The following ZNF407 variants were observed in gnomAD, a reference collection of about 807,000 sequenced individuals.
The protein encoded by ZNF407 is zinc finger protein 407.
In ZNF407, 17 loss-of-function variants were observed where a neutral mutation model predicts 131.2. The ratio of observed to expected loss-of-function variants is 0.13; its 90% confidence interval spans 0.09 to 0.19. The LOEUF is 0.19. ZNF407 is among the 10% of genes least tolerant of loss of function. ZNF407 has a pLI of 1.00. For synonymous variants in ZNF407, 1,156 were observed against 1,062.0 expected (o/e 1.09, Z -1.72); for missense variants, 2,681 against 2,830.6 (o/e 0.95, Z 1.20).
chr18:74,769,931 C>T (rs1268543902), intron 3 of ZNF407, among the ~76,000 whole-genome samples: 2 of 152,170 alleles, frequency 1.3e-5, no homozygotes, highest in African/African-American at 4.8e-5. Flanking sequence ...AGACACAGGA[C>T]AGTTGAGGGG....
intron 4 of ZNF407, among the ~76,000 whole-genome samples, chr18:74,834,003 CT>C (rs1477945686): frequency 6.6e-6 from 1 of 152,148 alleles, no homozygotes; most frequent in Non-Finnish European, 1.5e-5. Context: ...TGGATCAGAA[CT>C]TTTAATTTTC....
At chr18:75,030,444 TGA>T (rs1021194354) in intron 8 of ZNF407, among the ~76,000 whole-genome samples, 1 of 152,238 alleles carries the variant, frequency 6.6e-6, no homozygotes, top group Non-Finnish European at 1.5e-5. Flanking sequence ...TTTTAAAATG[TGA>T]ATTGTTGGAG....
intron 4 of ZNF407, among the ~76,000 whole-genome samples, chr18:74,856,572 T>G (rs1319213729): frequency 1.3e-5 from 2 of 152,202 alleles, no homozygotes; most frequent in African/African-American, 4.8e-5. Flanking sequence ...TCCTTGGAAG[T>G]GTTTTCTGTC....
chr18:74,763,182 CATCTTCTTAGG>C lies in ZNF407; in HGVS notation c.4803-18244_4803-18234del, dbSNP rs536607994. On this transcript the variant is annotated intron_variant, in intron 3 of 8. Transcript: ENST00000299687. ...TTTGCATGTCCCTAATGATTTTGAG[CATCTTCTTAGG>C]ACCTTTTTTTTTTTTTTTTTTTTTT... 5.9e-3 allele frequency among the ~76,000 whole-genome samples: 370 copies of C among 63,114 alleles called. 1 individual carries two copies. Among genetic ancestry groups the C allele is most frequent in the African/African-American group, 0.018 (352 of 19,478 alleles). 41.4% of individuals were successfully genotyped at this position (63,114 alleles called of 152,430 possible).
intron 6 of ZNF407, among the ~76,000 whole-genome samples, chr18:74,884,342 A>G (rs1350305279): frequency 6.6e-6 from 1 of 152,132 alleles, no homozygotes. Flanking sequence ...ATAAAAGAGA[A>G]GAAGAATTAC....
At chr18:74,921,144 G>A (rs1011414881) in intron 8 of ZNF407, 19 of 470,302 alleles carry the variant, frequency 4.0e-5, no homozygotes, top group African/African-American at 8.5e-5. Flanking sequence ...GGAGTCAAGC[G>A]TAGTGGGTGG....
At chr18:74,621,505 C>T (rs947906558) in intron 1 of ZNF407, among the ~76,000 whole-genome samples, 4 of 152,098 alleles carry the variant, frequency 2.6e-5, no homozygotes, top group South Asian at 2.1e-4. Flanking sequence ...TGGCTGTGGG[C>T]AGCAGCCCCC....
At chr18:74,650,921 A>G (rs1985196855) in intron 3 of ZNF407, among the ~76,000 whole-genome samples, 1 of 151,486 alleles carries the variant, frequency 6.6e-6, no homozygotes, top group Non-Finnish European at 1.5e-5. Flanking sequence ...AAATTGCTAT[A>G]TATGTGTGTG....
chr18:74,844,686 A>T (rs537317329), intron 4 of ZNF407, among the ~76,000 whole-genome samples: 6 of 152,160 alleles, frequency 3.9e-5, no homozygotes, highest in Non-Finnish European at 8.8e-5. Flanking sequence ...ATTTGTAAAA[A>T]TTACCCATGC....
chr18:74,735,435 C>T (rs528188225), intron 3 of ZNF407, among the ~76,000 whole-genome samples: 2 of 152,236 alleles, frequency 1.3e-5, no homozygotes, highest in South Asian at 4.1e-4. Context: ...CATGATTTTC[C>T]TTAATAAAAT....
Position 74,913,616 on chromosome 18 carries a change from C to A in ZNF407, c.5250-6898C>A, listed in dbSNP as rs151032504. On this transcript the variant is annotated intron_variant, in intron 7 of 8. Coordinates refer to ENST00000299687, the MANE Select transcript of ZNF407 (RefSeq NM_017757.3). The stretch of plus-strand genomic sequence containing the variant: ...GATTGAGAAGAAGTTAGGGATTGTA[C>A]CTAGCTGGTCATCTGGGACACAGGG... Among the ~76,000 whole-genome samples, 11 of 152,290 alleles carry A rather than the reference C, an allele frequency of 7.2e-5. No individual in the cohort carries two copies. The East Asian group carries it at 2.1e-3, about 29-fold the overall frequency.
intron 1 of ZNF407, among the ~76,000 whole-genome samples, chr18:74,610,610 G>C (rs1448832893): frequency 1.3e-5 from 2 of 152,062 alleles, no homozygotes; most frequent in African/African-American, 4.8e-5. Context: ...GAGTGCAATG[G>C]CTCATCTCGG....
intron 3 of ZNF407, among the ~76,000 whole-genome samples, chr18:74,671,583 C>T (rs1222224716): frequency 6.6e-6 from 1 of 152,134 alleles, no homozygotes; most frequent in Non-Finnish European, 1.5e-5. Context: ...CATCATTTAG[C>T]TTTCACTTAT....
At chr18:74,749,552 G>T (rs958598409) in intron 3 of ZNF407, among the ~76,000 whole-genome samples, 3 of 152,198 alleles carry the variant, frequency 2.0e-5, no homozygotes, top group Admixed American at 6.5e-5. Flanking sequence ...GTTATCTGTT[G>T]TGAAGAATTT....
chr18:74,653,586 A>G (rs1985320919), intron 3 of ZNF407, among the ~76,000 whole-genome samples: 2 of 151,906 alleles, frequency 1.3e-5, no homozygotes, highest in African/African-American at 2.4e-5. Context: ...TAGCAATTAA[A>G]TGCTAAATAT....
intron 7 of ZNF407, among the ~76,000 whole-genome samples, chr18:74,890,991 T>C (rs561924415): frequency 6.6e-6 from 1 of 152,356 alleles, no homozygotes; most frequent in East Asian, 1.9e-4. Context: ...GGCTGAGTGA[T>C]GTCTGCCAGG....
At chr18:75,035,073 CG>C (rs1455171123) in intron 8 of ZNF407, among the ~76,000 whole-genome samples, 5 of 152,122 alleles carry the variant, frequency 3.3e-5, no homozygotes, top group African/African-American at 1.2e-4. Context: ...TCATCTAATA[CG>C]GCACTGAAAA....
At chr18:74,601,789 C>T (rs933443840) in intron 1 of ZNF407, among the ~76,000 whole-genome samples, 1 of 152,188 alleles carries the variant, frequency 6.6e-6, no homozygotes. Context: ...CCACCAGGCC[C>T]TACCTCCAAC....
At chr18:74,753,855 A>T (rs548279102) in intron 3 of ZNF407, among the ~76,000 whole-genome samples, 6 of 152,020 alleles carry the variant, frequency 3.9e-5, no homozygotes, top group Non-Finnish European at 8.8e-5. Context: ...TGATATCAGG[A>T]TGATGCTGGC....
Sources: allele counts gnomAD v4.1 joint callset (sites outside exome capture counted in the v4.1 genomes callset), GRCh38; gene constraint gnomAD v4.1.1; transcripts MANE v1.5; gene names NCBI Gene and HGNC (gene_info 2026-07-23, HGNC 2026-07-21).